The following UNC5C variants were observed in gnomAD, a reference collection of about 807,000 sequenced individuals.
UNC5C encodes the protein netrin receptor UNC5C.
In UNC5C, 47 loss-of-function variants were observed where a neutral mutation model predicts 99.8. The ratio of observed to expected loss-of-function variants is 0.47; its 90% confidence interval spans 0.37 to 0.60. The LOEUF is 0.60. Among genes scored for constraint, UNC5C ranks in the 20% least tolerant of loss-of-function variants. The pLI, the probability that UNC5C is intolerant of heterozygous loss-of-function variation, is 0.00. For synonymous variants in UNC5C, 487 were observed against 452.2 expected, an observed-to-expected ratio of 1.08 and a Z score of -0.98; for missense variants, 1,062 against 1,165.9, an observed-to-expected ratio of 0.91 and a Z score of 1.30.
At chr4:95,291,475 C>T (rs1218338734) in intron 3 of UNC5C, among the ~76,000 whole-genome samples, 13 of 152,158 alleles carry the variant, frequency 8.5e-5, no homozygotes, top group Admixed American at 8.5e-4. Flanking sequence ...GTGTTACCAG[C>T]CCTGCCTATA....
At chr4:95,385,032 G>A (rs1745174833) in intron 1 of UNC5C, among the ~76,000 whole-genome samples, 1 of 152,012 alleles carries the variant, frequency 6.6e-6, no homozygotes, top group Non-Finnish European at 1.5e-5. Context: ...TGCCCAGGGG[G>A]AGGTCTGGAG....
intron 2 of UNC5C, among the ~76,000 whole-genome samples, chr4:95,333,613 C>T (rs758861234): frequency 3.8e-4 from 57 of 151,884 alleles, no homozygotes; most frequent in Non-Finnish European, 7.6e-4. Flanking sequence ...GGAGATATAC[C>T]TAATTCTAAA....
At chr4:95,418,687 T>C (rs1255997429) in intron 1 of UNC5C, among the ~76,000 whole-genome samples, 2 of 152,032 alleles carry the variant, frequency 1.3e-5, no homozygotes, top group African/African-American at 4.8e-5. Flanking sequence ...AAAAGAAAAA[T>C]AGAAAACATG....
chr4:95,171,592 T>A (rs983045204), intron 14 of UNC5C, among the ~76,000 whole-genome samples: 2 of 152,170 alleles, frequency 1.3e-5, no homozygotes, highest in East Asian at 3.8e-4. Flanking sequence ...GGCTGCATAG[T>A]ATTCCATGGT....
chr4:95,525,971 G>T (rs935262884), intron 1 of UNC5C, among the ~76,000 whole-genome samples: 3 of 152,034 alleles, frequency 2.0e-5, no homozygotes, highest in Non-Finnish European at 4.4e-5. Context: ...TTAAAAATTC[G>T]AATAGGCTTA....
chr4:95,279,766 C>G (rs1046808619), intron 3 of UNC5C, among the ~76,000 whole-genome samples: 3 of 152,204 alleles, frequency 2.0e-5, no homozygotes, highest in African/African-American at 7.2e-5. Context: ...ATTGAACTAG[C>G]GAGTGGAAAC....
At chr4:95,471,769 A>G (rs1282481334) in intron 1 of UNC5C, among the ~76,000 whole-genome samples, 1 of 152,024 alleles carries the variant, frequency 6.6e-6, no homozygotes, top group Non-Finnish European at 1.5e-5. Flanking sequence ...ACAGCACGTG[A>G]TGTAAGGATG....
At chr4:95,437,462 A>G (rs1035412548) in intron 1 of UNC5C, among the ~76,000 whole-genome samples, 1 of 152,008 alleles carries the variant, frequency 6.6e-6, no homozygotes, top group Non-Finnish European at 1.5e-5. Context: ...TTTCTGTGGC[A>G]TATTGTAAAA....
chr4:95,495,612 T>C (rs1560484378), intron 1 of UNC5C, among the ~76,000 whole-genome samples: 2 of 151,800 alleles, frequency 1.3e-5, no homozygotes, highest in South Asian at 2.1e-4. Flanking sequence ...AATTAGGACA[T>C]GGGTTAAAAT....
chr4:95,380,461 T>TGA (rs1491121065), intron 1 of UNC5C, among the ~76,000 whole-genome samples: 4 of 125,954 alleles, frequency 3.2e-5, no homozygotes, highest in Admixed American at 2.6e-4. Context: ...TTTTTTTTTT[T>TGA]GAGAGACTAG....
chr4:95,415,825 AC>A lies in UNC5C; in HGVS notation c.125-80195del, dbSNP rs566125444. On this transcript the variant is annotated intron_variant, in intron 1 of 15. Coordinates refer to ENST00000453304, the MANE Select transcript of UNC5C (RefSeq NM_003728.4). ...CAGAAAGTACAGGCGTTAAATGGCA[AC>A]CCTAAGAATGATCCTATCATTCTAA... 3.2e-3 allele frequency among the ~76,000 whole-genome samples: 494 copies of A among 152,132 alleles called. 1 individual carries two copies. Among genetic ancestry groups the A allele is most frequent in the African/African-American group, 0.011 (475 of 41,518 alleles).
chr4:95,305,157 A>G (rs1742017610), intron 2 of UNC5C, among the ~76,000 whole-genome samples: 1 of 152,202 alleles, frequency 6.6e-6, no homozygotes, highest in African/African-American at 2.4e-5. Flanking sequence ...TTGTCCTATT[A>G]CATAGCCCAA....
chr4:95,257,266 A>T (rs1290383041), intron 4 of UNC5C, among the ~76,000 whole-genome samples: 1 of 152,084 alleles, frequency 6.6e-6, no homozygotes, highest in African/African-American at 2.4e-5. Context: ...TTAGTAGAGC[A>T]TGGGGCATGT....
intron 1 of UNC5C, among the ~76,000 whole-genome samples, chr4:95,504,439 T>C (rs1450452907): frequency 1.3e-5 from 2 of 152,156 alleles, no homozygotes; most frequent in Non-Finnish European, 2.9e-5. Context: ...CAGATACATG[T>C]AAAGAACATA....
At chr4:95,513,647 A>T (rs1038961772) in intron 1 of UNC5C, among the ~76,000 whole-genome samples, 5 of 152,174 alleles carry the variant, frequency 3.3e-5, no homozygotes, top group Non-Finnish European at 7.3e-5. Flanking sequence ...ATATATAGAC[A>T]TACATAGATA....
intron 1 of UNC5C, among the ~76,000 whole-genome samples, chr4:95,461,633 C>T (rs1413003302): frequency 6.6e-6 from 1 of 152,162 alleles, no homozygotes; most frequent in Non-Finnish European, 1.5e-5. Flanking sequence ...GTTACATTAT[C>T]CTTAGTCTTT....
chr4:95,401,744 G>A (rs1439514016), intron 1 of UNC5C, among the ~76,000 whole-genome samples: 4 of 152,208 alleles, frequency 2.6e-5, no homozygotes, highest in Non-Finnish European at 4.4e-5. Flanking sequence ...CCCAGAGCCC[G>A]AAGGAGGTGA....
At chr4:95,255,337 C>T (rs1160991058) in intron 4 of UNC5C, among the ~76,000 whole-genome samples, 1 of 152,062 alleles carries the variant, frequency 6.6e-6, no homozygotes, top group Non-Finnish European at 1.5e-5. Flanking sequence ...AGAGTGGGCT[C>T]ATCTTAAAAT....
intron 4 of UNC5C, among the ~76,000 whole-genome samples, chr4:95,260,201 A>C (rs1011927087): frequency 6.6e-6 from 1 of 152,236 alleles, no homozygotes; most frequent in Non-Finnish European, 1.5e-5. Flanking sequence ...TAAAAACTAT[A>C]GATTTTAAAA....
Sources: allele counts gnomAD v4.1 joint callset (sites outside exome capture counted in the v4.1 genomes callset), GRCh38; gene constraint gnomAD v4.1.1; transcripts MANE v1.5; gene names NCBI Gene and HGNC (gene_info 2026-07-23, HGNC 2026-07-21).